Variants in CSNK1G3 observed in about 807,000 individuals in gnomAD.
CSNK1G3 encodes casein kinase I isoform gamma-3.
In CSNK1G3, 23 loss-of-function variants were observed where a neutral mutation model predicts 64.3. The ratio of observed to expected loss-of-function variants is 0.36; its 90% confidence interval spans 0.26 to 0.51. CSNK1G3 has a LOEUF of 0.51. CSNK1G3 is among the 20% of genes least tolerant of loss of function. The probability of loss-of-function intolerance (pLI) is 0.96; values close to 1 mark genes in which losing one functional copy is unlikely to be tolerated. For synonymous variants in CSNK1G3, 158 were observed against 162.2 expected (o/e 0.97, Z 0.20); for missense variants, 357 against 510.5 (o/e 0.70, Z 2.90).
chr5:123,600,495 C>T (rs1451485612), intron 10 of CSNK1G3, among the ~76,000 whole-genome samples: 1 of 151,710 alleles, frequency 6.6e-6, no homozygotes, highest in Non-Finnish European at 1.5e-5. Flanking sequence ...CATGGTGGTG[C>T]ACACCTGTAA....
exon 13 of CSNK1G3, chr5:123,615,777 T>C (rs1329915054): frequency 6.6e-6 from 1 of 152,242 alleles, no homozygotes; most frequent in Non-Finnish European, 1.5e-5. Context: ...AATCTCATAT[T>C]CATCTTTCAT....
chr5:123,562,410 G>A (rs1000821901), intron 4 of CSNK1G3, among the ~76,000 whole-genome samples: 11 of 152,164 alleles, frequency 7.2e-5, no homozygotes, highest in Middle Eastern at 3.4e-3. Flanking sequence ...CTTCTTGGTA[G>A]CAGAATGATT....
At chr5:123,591,506 A>AATAC (rs1229140191) in intron 10 of CSNK1G3, 92 bp downstream of exon 10, 1 of 642,162 alleles carries the variant, frequency 1.6e-6, no homozygotes, top group African/African-American at 1.9e-5. Context: ...AAGGATTGAA[A>AATAC]ATACATATTT....
intron 6 of CSNK1G3, among the ~76,000 whole-genome samples, chr5:123,583,474 C>A (rs924148558): frequency 3.3e-5 from 5 of 152,110 alleles, no homozygotes; most frequent in Non-Finnish European, 5.9e-5. Context: ...GATTCTCCTG[C>A]CTCAGCCTCC....
chr5:123,524,109 G>A (rs551575406), intron 1 of CSNK1G3, among the ~76,000 whole-genome samples: 35 of 152,302 alleles, frequency 2.3e-4, no homozygotes, highest in Non-Finnish European at 4.4e-4. Flanking sequence ...TTTCAGTAAG[G>A]TGCTAGTAAA....
intron 2 of CSNK1G3, among the ~76,000 whole-genome samples, chr5:123,550,358 G>A (rs1278768010): frequency 1.3e-5 from 2 of 152,136 alleles, no homozygotes; most frequent in Non-Finnish European, 2.9e-5. Flanking sequence ...AAAAAAAGGG[G>A]CAGGAGCATA....
At chr5:123,556,915 T>G (rs1428692563) in intron 3 of CSNK1G3, among the ~76,000 whole-genome samples, 11 of 151,902 alleles carry the variant, frequency 7.2e-5, no homozygotes, top group Non-Finnish European at 4.4e-5. Flanking sequence ...AATCCAAAGG[T>G]GATAGAAGTA....
At chr5:123,613,083 A>G (rs1748719789) in intron 12 of CSNK1G3, among the ~76,000 whole-genome samples, 1 of 152,064 alleles carries the variant, frequency 6.6e-6, no homozygotes, top group African/African-American at 2.4e-5. Context: ...CATGTTGTAT[A>G]TTTTAATAGA....
intron 1 of CSNK1G3, among the ~76,000 whole-genome samples, chr5:123,537,780 A>G (rs1422757999): frequency 6.6e-6 from 1 of 152,152 alleles, no homozygotes; most frequent in Non-Finnish European, 1.5e-5. Context: ...TTTCCTCCCA[A>G]TTAAGATATA....
intron 1 of CSNK1G3, among the ~76,000 whole-genome samples, chr5:123,521,467 C>A (rs558286251): frequency 3.3e-5 from 5 of 152,020 alleles, no homozygotes; most frequent in Non-Finnish European, 7.4e-5. Flanking sequence ...TTTCTGATAT[C>A]TATTGAAAGT....
rs555794923 is a variant in CSNK1G3 at position 123,610,329 on chromosome 5, A to C, written c.1218-4013A>C. Among the ~76,000 whole-genome samples, 5 of 152,236 alleles carry C rather than the reference A, an allele frequency of 3.3e-5. No individual in the cohort carries two copies. The South Asian group carries it at 1.0e-3, about 32-fold the overall frequency. On this transcript the variant is annotated intron_variant, in intron 12 of 12. Transcript: ENST00000345990. ...ATGCCATAAAATATACTTTCTGTAC[A>C]CTCATCAACCCAGGTCAGGAGAAAC...
intron 12 of CSNK1G3, among the ~76,000 whole-genome samples, chr5:123,613,479 A>C (rs1434501763): frequency 1.3e-5 from 2 of 151,608 alleles, no homozygotes; most frequent in African/African-American, 2.4e-5. Flanking sequence ...TTATATATGT[A>C]TGTGTGTATA....
chr5:123,553,679 A>G (rs1476311891), intron 3 of CSNK1G3, among the ~76,000 whole-genome samples: 3 of 152,224 alleles, frequency 2.0e-5, no homozygotes, highest in Non-Finnish European at 4.4e-5. Flanking sequence ...CCGTGGAATT[A>G]TTCTGAAGTT....
chr5:123,551,387 T>C (rs551088208), intron 2 of CSNK1G3, among the ~76,000 whole-genome samples: 37 of 152,294 alleles, frequency 2.4e-4, no homozygotes, highest in African/African-American at 8.9e-4. Context: ...TTTAAAAATA[T>C]GTATATAGGT....
At chr5:123,522,429 G>C (rs1262480281) in intron 1 of CSNK1G3, among the ~76,000 whole-genome samples, 1 of 151,914 alleles carries the variant, frequency 6.6e-6, no homozygotes, top group Non-Finnish European at 1.5e-5. Flanking sequence ...CTTGAACCTG[G>C]GAGGTAAAGG....
intron 6 of CSNK1G3, among the ~76,000 whole-genome samples, chr5:123,580,024 C>T (rs2150807162): frequency 6.6e-6 from 1 of 152,074 alleles, no homozygotes; most frequent in Non-Finnish European, 1.5e-5. Flanking sequence ...ATATGGAATA[C>T]ATAGCGGTGT....
chr5:123,538,018 C>G (rs1781116215), intron 1 of CSNK1G3, among the ~76,000 whole-genome samples: 1 of 152,154 alleles, frequency 6.6e-6, no homozygotes, highest in South Asian at 2.1e-4. Flanking sequence ...GCAGTTCGTT[C>G]CTTTTTAATG....
rs915686486 is a variant in CSNK1G3, at chr5:123,554,137, C to A, written c.219+990C>A. 3.3e-5 allele frequency among the ~76,000 whole-genome samples: 5 copies of A among 151,968 alleles called. No individual in the cohort carries two copies. In the East Asian group the frequency reaches 7.7e-4, roughly 24 times the overall value. On this transcript the variant is annotated intron_variant, in intron 3 of 12. Coordinates refer to ENST00000345990, the Ensembl canonical transcript of CSNK1G3. ...TTTTAAGTATCTTTTGAATATAGAC[C>A]AAGTTTTAGTGTAACAAATGTTTAT...
chr5:123,538,024 T>G (rs968787042), intron 1 of CSNK1G3, among the ~76,000 whole-genome samples: 1 of 152,230 alleles, frequency 6.6e-6, no homozygotes, highest in Non-Finnish European at 1.5e-5. Flanking sequence ...CGTTCCTTTT[T>G]AATGCTGAGT....
Sources: allele counts gnomAD v4.1 joint callset (sites outside exome capture counted in the v4.1 genomes callset), GRCh38; gene constraint gnomAD v4.1.1; transcripts MANE v1.5; gene names NCBI Gene and HGNC (gene_info 2026-07-23, HGNC 2026-07-21).